FAM227B: variants seen among roughly 807,000 people sequenced by gnomAD.
The protein encoded by FAM227B is protein FAM227B.
In FAM227B, 88 loss-of-function variants were observed where a neutral mutation model predicts 73.8. The observed-to-expected ratio is 1.19, with a 90% CI of 1.00 to 1.42. FAM227B has a LOEUF of 1.42. Ranked by LOEUF, FAM227B falls within the 40% of genes most tolerant of loss-of-function variation. The pLI is 0.00. For missense variants in FAM227B, 632 were observed against 590.9 expected (o/e 1.07, Z -0.72); for synonymous variants, 210 against 190.5 (o/e 1.10, Z -0.84).
chr15:49,419,018 AG>A (rs1450456928), intron 11 of FAM227B, among the ~76,000 whole-genome samples: 2 of 152,102 alleles, frequency 1.3e-5, no homozygotes, highest in Non-Finnish European at 2.9e-5. Context: ...CTGGGTGTTG[AG>A]TCATTCGTCT....
intron 7 of FAM227B, among the ~76,000 whole-genome samples, chr15:49,575,477 G>A (rs1309308967): frequency 6.6e-6 from 1 of 151,870 alleles, no homozygotes; most frequent in Admixed American, 6.6e-5. Context: ...AGAAGTACTA[G>A]ATTAATATTT....
rs147487226 is a variant in FAM227B, at chr15:49,538,184, T to G, written c.874+3496A>C. The stretch of plus-strand genomic sequence containing the variant: ...AGAGTTTGATTATGCGGTTGACACT[T>G]GAAGAATATAAATTGAAGTACTTGG... On this transcript the variant is annotated intron_variant, in intron 10 of 15. Transcript: ENST00000299338. 7.9e-4 allele frequency among the ~76,000 whole-genome samples: 120 copies of G among 152,280 alleles called. 1 individual carries two copies. In the East Asian group the frequency reaches 0.019, roughly 24 times the overall value.
chr15:49,477,480 A>G (rs2055451003), intron 11 of FAM227B, among the ~76,000 whole-genome samples: 1 of 152,198 alleles, frequency 6.6e-6, no homozygotes, highest in African/African-American at 2.4e-5. Flanking sequence ...TATGTACTTA[A>G]GGTTCCCCTT....
At chr15:49,368,863 T>C (rs2045571668) in intron 12 of FAM227B, among the ~76,000 whole-genome samples, 1 of 152,252 alleles carries the variant, frequency 6.6e-6, no homozygotes, top group African/African-American at 2.4e-5. Flanking sequence ...GCAGCCCTTT[T>C]TCCTCTATAA....
chr15:49,507,716 C>T (rs554403272), intron 11 of FAM227B, among the ~76,000 whole-genome samples: 62 of 151,614 alleles, frequency 4.1e-4, no homozygotes, highest in African/African-American at 1.2e-3. Flanking sequence ...ATTTAATAAA[C>T]GGATCATTTG....
chr15:49,368,127 A>T (rs968615366), intron 12 of FAM227B, among the ~76,000 whole-genome samples: 3 of 152,064 alleles, frequency 2.0e-5, no homozygotes, highest in Admixed American at 2.0e-4. Flanking sequence ...CTAACTTCTT[A>T]TCATAACAAA....
intron 10 of FAM227B, among the ~76,000 whole-genome samples, chr15:49,534,104 T>C (rs1430480018): frequency 6.6e-6 from 1 of 151,880 alleles, no homozygotes; most frequent in Non-Finnish European, 1.5e-5. Context: ...ACAGTCTATT[T>C]TGATAGCATA....
intron 3 of FAM227B, among the ~76,000 whole-genome samples, chr15:49,594,695 T>A (rs1308305110): frequency 6.6e-6 from 1 of 152,192 alleles, no homozygotes; most frequent in Non-Finnish European, 1.5e-5. Context: ...CCTCCCCCAC[T>A]TTATGCTTTT....
intron 13 of FAM227B, among the ~76,000 whole-genome samples, chr15:49,354,715 G>C (rs2042822359): frequency 6.6e-6 from 1 of 152,208 alleles, no homozygotes; most frequent in South Asian, 2.1e-4. Context: ...CAGTCGGGAA[G>C]CTCGAACTGG....
intron 10 of FAM227B, among the ~76,000 whole-genome samples, chr15:49,527,717 G>T (rs2060306329): frequency 1.3e-5 from 2 of 151,804 alleles, no homozygotes; most frequent in South Asian, 4.1e-4. Context: ...TAATGTTCAA[G>T]CTAAAACCAA....
At chr15:49,585,532 G>A (rs34291739) in intron 5 of FAM227B, among the ~76,000 whole-genome samples, 18,990 of 152,186 alleles carry the variant, frequency 0.12, 1,482 homozygotes, top group East Asian at 0.36. Flanking sequence ...ATGAGTTCAT[G>A]TCCTTTGTAG....
At chr15:49,372,819 T>A (rs1446403126) in intron 11 of FAM227B, among the ~76,000 whole-genome samples, 1 of 152,128 alleles carries the variant, frequency 6.6e-6, no homozygotes, top group Non-Finnish European at 1.5e-5. Flanking sequence ...TGACAAACCT[T>A]TTAAGAGTTA....
intron 2 of FAM227B, among the ~76,000 whole-genome samples, chr15:49,613,458 G>A (rs191208131): frequency 2.6e-5 from 4 of 152,188 alleles, no homozygotes; most frequent in Admixed American, 2.6e-4. Flanking sequence ...CCAAGATTGT[G>A]CCACTACACT....
chr15:49,533,307 G>T (rs1473440658), intron 10 of FAM227B, among the ~76,000 whole-genome samples: 1 of 151,838 alleles, frequency 6.6e-6, no homozygotes, highest in Non-Finnish European at 1.5e-5. Context: ...GATCTATCCT[G>T]GAAAATGTTT....
intron 11 of FAM227B, among the ~76,000 whole-genome samples, chr15:49,479,599 G>GT (rs56097665): frequency 0.012 from 781 of 63,322 alleles, 178 homozygotes; most frequent in African/African-American, 0.029. Flanking sequence ...TAATACCTCT[G>GT]TTTTTTTTTT....
intron 11 of FAM227B, among the ~76,000 whole-genome samples, chr15:49,457,399 A>T: frequency 6.6e-6 from 1 of 152,052 alleles, no homozygotes; most frequent in Non-Finnish European, 1.5e-5. Flanking sequence ...AAAAGCATTC[A>T]AATTTCAAAG....
intron 11 of FAM227B, among the ~76,000 whole-genome samples, chr15:49,440,187 A>G (rs1210795503): frequency 1.3e-5 from 2 of 151,748 alleles, no homozygotes; most frequent in African/African-American, 2.4e-5. Flanking sequence ...TTTTAGTTAA[A>G]CCCACTGTGT....
chr15:49,514,879 T>C (rs952264848), intron 10 of FAM227B, among the ~76,000 whole-genome samples: 9 of 152,154 alleles, frequency 5.9e-5, no homozygotes, highest in Non-Finnish European at 1.0e-4. Context: ...AAAAGTTTTA[T>C]AGTTTTAAGT....
At chr15:49,508,427 G>T in intron 10 of FAM227B, 79 bp from the exon 11 acceptor site, 2 of 1,275,884 alleles carry the variant, frequency 1.6e-6, no homozygotes, top group East Asian at 2.5e-5. Context: ...GCATTTTTAT[G>T]ATAATTATAC....
Sources: allele counts gnomAD v4.1 joint callset (sites outside exome capture counted in the v4.1 genomes callset), GRCh38; gene constraint gnomAD v4.1.1; transcripts MANE v1.5; gene names NCBI Gene and HGNC (gene_info 2026-07-23, HGNC 2026-07-21).